ZYG11A: variants seen among roughly 807,000 people sequenced by gnomAD.
ZYG11A encodes protein zyg-11 homolog A.
ZYG11A carries 62 observed loss-of-function variants against 77.2 expected under a neutral mutation model. The ratio of observed to expected loss-of-function variants is 0.80; its 90% confidence interval spans 0.65 to 0.99. The LOEUF is 0.99. Among genes scored for constraint, ZYG11A ranks in the 50% least tolerant of loss-of-function variants. The pLI is 0.00. For missense variants in ZYG11A, 828 were observed against 896.8 expected (o/e 0.92, Z 0.98); for synonymous variants, 315 against 324.6 (o/e 0.97, Z 0.32).
chr1:52,874,162 G>C (rs1002790052), intron 8 of ZYG11A, among the ~76,000 whole-genome samples: 5 of 152,068 alleles, frequency 3.3e-5, no homozygotes, highest in Non-Finnish European at 4.4e-5. Flanking sequence ...TCAACATTGA[G>C]ACAAGACCCT....
intron 6 of ZYG11A, 42 bp downstream of exon 6, chr1:52,866,609 T>A: frequency 7.8e-7 from 1 of 1,274,564 alleles, no homozygotes; most frequent in Non-Finnish European, 1.1e-6. Context: ...TGTTGGCCTT[T>A]GGTTATTAAA....
chr1:52,844,936 A>C (rs987316556), intron 1 of ZYG11A, among the ~76,000 whole-genome samples: 1 of 151,850 alleles, frequency 6.6e-6, no homozygotes, highest in African/African-American at 2.4e-5. Flanking sequence ...TTTTCTTTTT[A>C]TCCTTTTAAT....
In ZYG11A at chr1:52,860,876, T is replaced by C. The variant is rs1363109224; in HGVS notation, c.1149+5T>C. 1.3e-6 allele frequency: 2 copies of C among 1,549,408 alleles called. No individual in the cohort carries two copies. Among genetic ancestry groups the C allele is most frequent in the South Asian group, 1.2e-5 (1 of 83,156 alleles). On this transcript the variant is annotated splice_donor_5th_base_variant and intron_variant, in intron 4 of 13. Coordinates refer to ENST00000371528, the MANE Select transcript of ZYG11A (RefSeq NM_001004339.3). ...ACCATGCCTGCTATTTTAAAGGTAA[T>C]TGAAGGAAGACAATTTTTACTATTA...
intron 10 of ZYG11A, among the ~76,000 whole-genome samples, chr1:52,879,053 T>C (rs1235429650): frequency 3.3e-5 from 5 of 151,810 alleles, no homozygotes; most frequent in African/African-American, 1.2e-4. Flanking sequence ...TACTTCTTTA[T>C]CCAGGAAGTC....
intron 1 of ZYG11A, among the ~76,000 whole-genome samples, chr1:52,853,658 C>T (rs902137611): frequency 5.9e-5 from 9 of 152,056 alleles, no homozygotes; most frequent in Non-Finnish European, 1.3e-4. Context: ...TGCCTGTAAT[C>T]CAGCACTTGG....
chr1:52,890,614 C>CA (rs1167172495), intron 13 of ZYG11A, among the ~76,000 whole-genome samples: 2 of 144,670 alleles, frequency 1.4e-5, no homozygotes, highest in Non-Finnish European at 3.0e-5. Flanking sequence ...TTTTCTTTTA[C>CA]TTTTTTTTTT....
At chr1:52,865,087 C>T (rs534707357) in intron 5 of ZYG11A, among the ~76,000 whole-genome samples, 141 of 152,196 alleles carry the variant, frequency 9.3e-4, no homozygotes, top group African/African-American at 1.7e-3. Flanking sequence ...GGATTACAGG[C>T]GCATGCCACC....
chr1:52,861,323 T>G (rs1317387568), intron 4 of ZYG11A, among the ~76,000 whole-genome samples: 1 of 152,232 alleles, frequency 6.6e-6, no homozygotes, highest in Non-Finnish European at 1.5e-5. Flanking sequence ...CAGTTATTTA[T>G]TTTTCTTTTA....
intron 13 of ZYG11A, among the ~76,000 whole-genome samples, chr1:52,891,698 G>A (rs2150025758): frequency 6.6e-6 from 1 of 151,796 alleles, no homozygotes; most frequent in Non-Finnish European, 1.5e-5. Context: ...CTACTTTTAT[G>A]TAGGAATATT....
At chr1:52,855,591 A>G (rs947997812) in intron 2 of ZYG11A, among the ~76,000 whole-genome samples, 8 of 152,246 alleles carry the variant, frequency 5.3e-5, no homozygotes, top group Non-Finnish European at 8.8e-5. Flanking sequence ...AGCCCTAAGC[A>G]ACCACAAGTC....
In ZYG11A at chr1:52,869,850, C is replaced by T. The variant is rs1272409782; in HGVS notation, c.1542+2073C>T. On this transcript the variant is annotated intron_variant, in intron 8 of 13. Transcript: ENST00000371528. ...GCAGAGGCGCCCCTCACCTCCCGGA[C>T]GGGACGGCTGACCCCCCCACACCTC... Among the ~76,000 whole-genome samples the T allele has an allele frequency of 4.7e-5, 7 of 150,150 alleles. No homozygotes were observed. The East Asian group carries it at 5.9e-4, about 13-fold the overall frequency.
intron 3 of ZYG11A, 76 bp from the exon 4 acceptor site, chr1:52,860,655 A>C (rs1645910262): frequency 9.4e-6 from 14 of 1,484,708 alleles, no homozygotes; most frequent in Admixed American, 2.1e-5. Context: ...TGGATGCCCC[A>C]AAAACCCTGT....
At chr1:52,856,143 C>T (rs1222125859) in intron 2 of ZYG11A, among the ~76,000 whole-genome samples, 1 of 152,132 alleles carries the variant, frequency 6.6e-6, no homozygotes, top group African/African-American at 2.4e-5. Context: ...TTGATTATAG[C>T]CATCCTAGTG....
At chr1:52,860,643 A>T in intron 3 of ZYG11A, 88 bp from the exon 4 acceptor site, 1 of 1,396,312 alleles carries the variant, frequency 7.2e-7, no homozygotes, top group Non-Finnish European at 9.8e-7. Context: ...TGTCTTAAAC[A>T]CTGGATGCCC....
intron 2 of ZYG11A, among the ~76,000 whole-genome samples, chr1:52,855,921 C>G (rs557715): frequency 0.47 from 71,728 of 152,078 alleles, 18,324 homozygotes; most frequent in Non-Finnish European, 0.59. Context: ...TAAACTTTCT[C>G]TGCTCCATAT....
chr1:52,871,247 C>T (rs1646158980), intron 8 of ZYG11A, among the ~76,000 whole-genome samples: 1 of 152,128 alleles, frequency 6.6e-6, no homozygotes, highest in African/African-American at 2.4e-5. Context: ...GCTCAAGCGA[C>T]CCTCTTGAGT....
At chr1:52,869,212 A>ATT (rs34681867) in intron 8 of ZYG11A, among the ~76,000 whole-genome samples, 2,193 of 73,700 alleles carry the variant, frequency 0.03, 79 homozygotes, top group African/African-American at 0.077. Context: ...ACTTTATAGG[A>ATT]TTTTTTTTTT....
rs189818893 is a variant in ZYG11A at position 52,864,270 on chromosome 1, G to A, written c.1326+113G>A. 6,543 of 1,110,758 alleles carry A rather than the reference G, an allele frequency of 5.9e-3. 26 individuals are homozygous for A. The highest frequency in any genetic ancestry group is 7.3e-3 in the Non-Finnish European group (5,770 of 789,944). 68.8% of individuals were successfully genotyped at this position (1,110,758 alleles called of 1,614,324 possible). ...ATTTGTTTTTGTTTTTTTAAAGACA[G>A]AGTCTCTCTCTGTCGCCCAGGCTGG... On this transcript the variant is annotated intron_variant, in intron 5 of 13. Coordinates refer to ENST00000371528, the MANE Select transcript of ZYG11A (RefSeq NM_001004339.3).
At chr1:52,874,958 G>A (rs79656106) in intron 8 of ZYG11A, among the ~76,000 whole-genome samples, 2,201 of 152,298 alleles carry the variant, frequency 0.014, 64 homozygotes, top group African/African-American at 0.051. Flanking sequence ...TGTATGCAGT[G>A]GGAAAACAAA....
Sources: allele counts gnomAD v4.1 joint callset (sites outside exome capture counted in the v4.1 genomes callset), GRCh38; gene constraint gnomAD v4.1.1; transcripts MANE v1.5; gene names NCBI Gene and HGNC (gene_info 2026-07-23, HGNC 2026-07-21).